RALYL: variants seen among roughly 807,000 people sequenced by gnomAD.
The protein encoded by RALYL is RNA-binding Raly-like protein.
Under a neutral mutation model 35.1 loss-of-function variants are expected in RALYL, and 29 were observed. The observed-to-expected ratio is 0.83, with a 90% CI of 0.61 to 1.13. The LOEUF (loss-of-function observed/expected upper bound fraction) is 1.13. Ranked by LOEUF, RALYL falls within the 50% of genes most tolerant of loss-of-function variation. The pLI, the probability that RALYL is intolerant of heterozygous loss-of-function variation, is 0.00. For missense variants in RALYL, 359 were observed against 360.4 expected (o/e 1.00, Z 0.03); for synonymous variants, 120 against 127.6 (o/e 0.94, Z 0.40).
intron 2 of RALYL, among the ~76,000 whole-genome samples, chr8:84,531,728 G>C (rs974560614): frequency 8.5e-5 from 13 of 152,080 alleles, no homozygotes; most frequent in Non-Finnish European, 1.5e-4. Context: ...TTAATTATCA[G>C]TTTAAGATCA....
chr8:84,762,666 A>G (rs1812987331), intron 2 of RALYL, among the ~76,000 whole-genome samples: 1 of 152,172 alleles, frequency 6.6e-6, no homozygotes, highest in African/African-American at 2.4e-5. Flanking sequence ...ACTAATTATT[A>G]GCTGCATTAC....
At chr8:84,827,298 G>A (rs1009993748) in intron 4 of RALYL, among the ~76,000 whole-genome samples, 5 of 152,032 alleles carry the variant, frequency 3.3e-5, no homozygotes, top group African/African-American at 4.8e-5. Flanking sequence ...TGAAAGATAC[G>A]AGTTTTCTAA....
intron 1 of RALYL, among the ~76,000 whole-genome samples, chr8:84,188,086 T>C (rs1812961298): frequency 6.6e-6 from 1 of 152,180 alleles, no homozygotes; most frequent in Middle Eastern, 3.4e-3. Context: ...TTTATTTTTA[T>C]TTTAGTTGTT....
chr8:84,199,347 T>C lies in RALYL; in HGVS notation c.-24+14923T>C, dbSNP rs537435424. Among the ~76,000 whole-genome samples the C allele has an allele frequency of 2.2e-4, 34 of 152,314 alleles. No individual in the cohort carries two copies. The East Asian group carries it at 5.4e-3, about 24-fold the overall frequency. On this transcript the variant is annotated intron_variant, in intron 1 of 8. Coordinates refer to ENST00000521268, the MANE Select transcript of RALYL (RefSeq NM_173848.7). ...TTGTCCATTTTAAAAATCAGATTAT[T>C]AGATTCCTTCCTATAGAGTTGTTTG...
intron 3 of RALYL, among the ~76,000 whole-genome samples, chr8:84,786,273 G>T (rs1819429617): frequency 6.6e-6 from 1 of 152,080 alleles, no homozygotes; most frequent in Non-Finnish European, 1.5e-5. Context: ...ATTGTGAATG[G>T]TGCTGCAATG....
chr8:84,887,650 G>C lies in RALYL; in HGVS notation c.732G>C (p.Glu244Asp), dbSNP rs1338068665. The C allele has an allele frequency of 6.2e-7, 1 of 1,613,482 alleles. No individual in the cohort carries two copies. The highest frequency in any genetic ancestry group is 1.3e-5 in the African/African-American group (1 of 74,910). Residue 244 changes from glutamate to aspartate, a missense_variant, in exon 8 of 9, where the codon GAG (glutamate) becomes GAC (aspartate). By Grantham distance (45) the Glu-to-Asp change is conservative. Coordinates refer to ENST00000521268, the MANE Select transcript of RALYL (RefSeq NM_173848.7). ...QLEESLVLIQ[E>D]ECVSEIADHS... ...AAGAGAGTCTAGTGCTGATCCAAGAGGAATGTGTGTCAGAGATTGCAGATC... is the reference window on the plus strand; with the variant it reads ...AAGAGAGTCTAGTGCTGATCCAAGACGAATGTGTGTCAGAGATTGCAGATC...
At chr8:84,689,953 G>A (rs1837679262) in intron 2 of RALYL, among the ~76,000 whole-genome samples, 1 of 152,158 alleles carries the variant, frequency 6.6e-6, no homozygotes, top group Non-Finnish European at 1.5e-5. Flanking sequence ...AATTGGTACA[G>A]CCCTGATGGA....
At chr8:84,891,991 A>G (rs1413008600) in intron 8 of RALYL, among the ~76,000 whole-genome samples, 1 of 152,220 alleles carries the variant, frequency 6.6e-6, no homozygotes, top group Non-Finnish European at 1.5e-5. Context: ...AAGAATGAAC[A>G]GGAAATAAGA....
chr8:84,806,189 A>T (rs1824552560), intron 4 of RALYL, among the ~76,000 whole-genome samples: 1 of 152,222 alleles, frequency 6.6e-6, no homozygotes, highest in African/African-American at 2.4e-5. Context: ...AAGACAAAAA[A>T]TGGAATATAT....
intron 1 of RALYL, among the ~76,000 whole-genome samples, chr8:84,405,687 A>G (rs1390086221): frequency 1.3e-5 from 2 of 152,156 alleles, no homozygotes; most frequent in African/African-American, 4.8e-5. Flanking sequence ...TTCAAGTTTT[A>G]ACAAGAGAAT....
chr8:84,370,555 G>A (rs1212483714), intron 1 of RALYL, among the ~76,000 whole-genome samples: 3 of 151,914 alleles, frequency 2.0e-5, no homozygotes, highest in Non-Finnish European at 4.4e-5. Context: ...AGTAAAATTA[G>A]TATGTTAGAA....
intron 1 of RALYL, among the ~76,000 whole-genome samples, chr8:84,222,759 C>T (rs565047917): frequency 6.6e-6 from 1 of 152,222 alleles, no homozygotes; most frequent in East Asian, 1.9e-4. Context: ...TGAGAACTAA[C>T]CTCAGCTTCT....
chr8:84,602,593 A>C (rs2130765141), intron 2 of RALYL, among the ~76,000 whole-genome samples: 1 of 152,210 alleles, frequency 6.6e-6, no homozygotes, highest in African/African-American at 2.4e-5. Flanking sequence ...CAGAGTTTTA[A>C]AGATTTAGTG....
rs528470810 is a variant in RALYL at position 84,627,411 on chromosome 8, G to A, written c.256+97834G>A. Among the ~76,000 whole-genome samples the A allele has an allele frequency of 4.1e-5, 6 of 146,738 alleles. No individual in the cohort carries two copies. In the South Asian group the frequency reaches 1.4e-3, roughly 34 times the overall value. Reference sequence around the variant, plus strand: ...AAATACTGTCATTCTTAATTTTACAGTCATCTAGTGTGCCTTTCACTGCTC... The same window carrying A: ...AAATACTGTCATTCTTAATTTTACAATCATCTAGTGTGCCTTTCACTGCTC... On this transcript the variant is annotated intron_variant, in intron 2 of 8. Coordinates refer to ENST00000521268, the MANE Select transcript of RALYL (RefSeq NM_173848.7).
Position 84,861,703 on chromosome 8 carries a change from C to G in RALYL, c.414-593C>G, listed in dbSNP as rs940356198. On this transcript the variant is annotated intron_variant, in intron 5 of 8. Coordinates refer to ENST00000521268, the MANE Select transcript of RALYL (RefSeq NM_173848.7). ...TGTCATTCAAACTGTCTCCTTTTGT[C>G]TGCAATCAGAGGAGACTTTGTTACT... Among the ~76,000 whole-genome samples the G allele has an allele frequency of 4.6e-5, 7 of 152,330 alleles. No individual in the cohort carries two copies. The South Asian group carries it at 1.4e-3, about 32-fold the overall frequency.
At chr8:84,223,163 T>TTTCTTTCCA in intron 1 of RALYL, among the ~76,000 whole-genome samples, 1 of 112,288 alleles carries the variant, frequency 8.9e-6, no homozygotes, top group East Asian at 2.7e-4. Flanking sequence ...CTTTCTTTCC[T>TTTCTTTCCA]TCCTCCCTTC....
chr8:84,278,806 T>G (rs895573489), intron 1 of RALYL, among the ~76,000 whole-genome samples: 1 of 152,204 alleles, frequency 6.6e-6, no homozygotes, highest in Non-Finnish European at 1.5e-5. Flanking sequence ...AGCATTTTGG[T>G]CAAAGCCATT....
chr8:84,392,928 C>T (rs761932689), intron 1 of RALYL, among the ~76,000 whole-genome samples: 3 of 152,044 alleles, frequency 2.0e-5, no homozygotes, highest in African/African-American at 7.2e-5. Context: ...TATTCATTCA[C>T]TGTTAGTCAA....
At position 84,697,387 on chromosome 8, in the gene RALYL, A is replaced by T. The variant is rs536564448; in HGVS notation, c.257-77192A>T. Among the ~76,000 whole-genome samples, 24 of 152,102 alleles carry T rather than the reference A, an allele frequency of 1.6e-4. No homozygotes were observed. In the South Asian group the frequency reaches 1.7e-3, roughly 11 times the overall value. ...TGGTTATGTGTGTGTATGGGCACCTAATTTTCTGACATAATGTTATCTCTT... is the reference window on the plus strand; with the variant it reads ...TGGTTATGTGTGTGTATGGGCACCTTATTTTCTGACATAATGTTATCTCTT... On this transcript the variant is annotated intron_variant, in intron 2 of 8. Transcript: ENST00000521268.
Sources: gnomAD v4.1 joint callset for allele counts (sites outside exome capture counted in the v4.1 genomes callset) on GRCh38, gnomAD v4.1.1 for gene constraint, MANE v1.5 for transcripts, NCBI Gene and HGNC (gene_info 2026-07-23, HGNC 2026-07-21) for gene names.